SLC22A23: variants seen among roughly 807,000 people sequenced by gnomAD.
SLC22A23 encodes solute carrier family 22 member 23.
SLC22A23 carries 26 observed loss-of-function variants against 61.0 expected under a neutral mutation model. That is an observed-to-expected ratio of 0.43 (90% confidence interval 0.31 to 0.59). The LOEUF (loss-of-function observed/expected upper bound fraction) is 0.59. Ranked by LOEUF, SLC22A23 falls within the 20% of genes least tolerant of loss-of-function variation. The probability of loss-of-function intolerance (pLI) is 0.11; values close to 1 mark genes in which losing one functional copy is unlikely to be tolerated. For synonymous variants in SLC22A23, 430 were observed against 413.9 expected (o/e 1.04, Z -0.47); for missense variants, 796 against 934.7 (o/e 0.85, Z 1.94).
intron 3 of SLC22A23, among the ~76,000 whole-genome samples, chr6:3,352,080 G>A (rs891697440): frequency 2.0e-5 from 3 of 149,438 alleles, no homozygotes; most frequent in African/African-American, 7.6e-5. Context: ...CAGGGCTGCT[G>A]GAGTGCTGAG....
At chr6:3,336,836 A>G (rs1156859433) in intron 3 of SLC22A23, among the ~76,000 whole-genome samples, 3 of 117,438 alleles carry the variant, frequency 2.6e-5, no homozygotes, top group Non-Finnish European at 3.4e-5. Flanking sequence ...TCCCTCTTTT[A>G]CCTAGGCTGG....
chr6:3,426,067 A>G (rs1388578875), intron 1 of SLC22A23, among the ~76,000 whole-genome samples: 2 of 152,246 alleles, frequency 1.3e-5, no homozygotes, highest in Non-Finnish European at 2.9e-5. Context: ...AACAAATAAT[A>G]ATTTGTCAGG....
chr6:3,456,467 G>A lies in SLC22A23; in HGVS notation c.93C>T (p.Asp31=), dbSNP rs912264739. Residue 31 remains aspartate (D), a synonymous_variant, in exon 1 of 10, where the codon GAC becomes GAT. Coordinates refer to ENST00000406686, the MANE Select transcript of SLC22A23 (RefSeq NM_015482.2). This position sits in a 1 kb window ranked among gnomAD's most constrained non-coding sequence, Gnocchi z 7.1. ...AEENGSLPPG[D]AAASAPLGGR... ...CCCCGAGGGGCGCCGAGGCCGCCGC[G>A]TCCCCGGGCGGCAGGGAGCCGTTCT... is the stretch of plus-strand genomic sequence containing the variant. The A allele has an allele frequency of 4.2e-5, 50 of 1,193,352 alleles. No individual in the cohort carries two copies. The highest frequency in any genetic ancestry group is 3.3e-4 in the Middle Eastern group (1 of 3,024). 73.9% of individuals were successfully genotyped at this position (1,193,352 alleles called of 1,614,324 possible). A position where few individuals can be genotyped will look rare whatever the true frequency, so the allele number is the denominator to read the frequency against.
chr6:3,299,998 CTTTTTTTTTTTT>C (rs869114176), intron 4 of SLC22A23, among the ~76,000 whole-genome samples: 162 of 78,800 alleles, frequency 2.1e-3, no homozygotes, highest in Non-Finnish European at 2.9e-3. Context: ...TCAGGATAGA[CTTTTTTTTTTTT>C]TTTTTTTTTT....
At chr6:3,375,790 T>C (rs1381109264) in intron 3 of SLC22A23, among the ~76,000 whole-genome samples, 1 of 152,202 alleles carries the variant, frequency 6.6e-6, no homozygotes, top group Admixed American at 6.5e-5. Flanking sequence ...CAATTTCTGG[T>C]TTAATGGAGC....
intron 3 of SLC22A23, among the ~76,000 whole-genome samples, chr6:3,359,917 TTTC>T (rs1417283426): frequency 2.0e-5 from 3 of 152,240 alleles, no homozygotes; most frequent in Non-Finnish European, 4.4e-5. Context: ...GGAAGCATTT[TTTC>T]TTTTTTTCTT....
rs1171583576 is a variant in SLC22A23 at position 3,330,736 on chromosome 6, T to A, written c.914-6734A>T. ...ACAGCTCTACATCTCCCCTTCCGCG[T>A]GGAAGGCGTCCTCTTTCCTCTTAAC... is the stretch of plus-strand genomic sequence containing the variant. On this transcript the variant is annotated intron_variant, in intron 3 of 9. Transcript: ENST00000406686. This position sits in a 1 kb window ranked among gnomAD's most constrained non-coding sequence, Gnocchi z 4.7. Among the ~76,000 whole-genome samples the A allele has an allele frequency of 6.6e-6, 1 of 152,238 alleles. No individual in the cohort carries two copies. The highest frequency in any genetic ancestry group is 6.5e-5 in the Admixed American group (1 of 15,288).
rs1408479103 is a variant in SLC22A23, at chr6:3,271,257, G to C, written c.*1798C>G. On this transcript the variant is annotated 3_prime_UTR_variant, in exon 10 of 10. Transcript: ENST00000406686. ...AGGTGAGGAGCTGGACGTGGAGCAA[G>C]TGGAGGCAGGGAGAGGCTGGCCAGA... The C allele has an allele frequency of 2.6e-5, 4 of 152,348 alleles. No individual in the cohort carries two copies. The highest frequency in any genetic ancestry group is 5.9e-5 in the Non-Finnish European group (4 of 68,046). The allele number at this position is 152,348 out of a possible 1,614,324, so 9.4% of individuals were successfully genotyped here.
chr6:3,296,952 C>A (rs930973276), intron 5 of SLC22A23, among the ~76,000 whole-genome samples: 1 of 152,206 alleles, frequency 6.6e-6, no homozygotes, highest in Non-Finnish European at 1.5e-5. Flanking sequence ...ACCTGCAGGG[C>A]ACATTCTCCC....
chr6:3,441,485 C>T (rs1771591574), intron 1 of SLC22A23, among the ~76,000 whole-genome samples: 1 of 152,104 alleles, frequency 6.6e-6, no homozygotes, highest in African/African-American at 2.4e-5. Flanking sequence ...TGCACATGTC[C>T]CTTCCCCACC....
chr6:3,401,848 C>A (rs2127499505), intron 3 of SLC22A23, among the ~76,000 whole-genome samples: 1 of 152,300 alleles, frequency 6.6e-6, no homozygotes, highest in South Asian at 2.1e-4. Context: ...TCCTGAACTT[C>A]TGAATAACAA....
chr6:3,401,122 A>G (rs1256066078), intron 3 of SLC22A23, among the ~76,000 whole-genome samples: 1 of 152,236 alleles, frequency 6.6e-6, no homozygotes, highest in Non-Finnish European at 1.5e-5. Context: ...TGGGTGGATC[A>G]CTTGAGGTAA....
intron 3 of SLC22A23, among the ~76,000 whole-genome samples, chr6:3,389,126 G>C (rs902441470): frequency 3.3e-5 from 5 of 151,650 alleles, no homozygotes; most frequent in African/African-American, 1.2e-4. Context: ...AAATTAGCTG[G>C]GTGTGGTGGA....
In SLC22A23 at chr6:3,437,736, A is replaced by G. The variant is rs1581890775; in HGVS notation, c.654+18170T>C. Among the ~76,000 whole-genome samples the G allele has an allele frequency of 2.2e-5, 3 of 137,220 alleles. No homozygotes were observed. The East Asian group carries it at 6.8e-4, about 31-fold the overall frequency. The allele number at this position is 137,220 out of a possible 152,430, so 90.0% of individuals were successfully genotyped here. A position where few individuals can be genotyped will look rare whatever the true frequency, so the allele number is the denominator to read the frequency against. ...AATAATTTTAAAAACCCACTCTGGA[A>G]CTTACTAGATTTTTTTTTTTTTTTT... is the stretch of plus-strand genomic sequence containing the variant. On this transcript the variant is annotated intron_variant, in intron 1 of 9. Transcript: ENST00000406686.
chr6:3,397,085 G>A (rs1316007945), intron 3 of SLC22A23, among the ~76,000 whole-genome samples: 1 of 152,198 alleles, frequency 6.6e-6, no homozygotes. Context: ...CCCACAGCCT[G>A]TCCGCTTTAT....
rs1296396332 is a variant in SLC22A23 at position 3,360,993 on chromosome 6, T to C, written c.914-36991A>G. Among the ~76,000 whole-genome samples, 1 of 152,184 alleles carries C rather than the reference T, an allele frequency of 6.6e-6. No homozygotes were observed. The highest frequency in any genetic ancestry group is 6.5e-5 in the Admixed American group (1 of 15,288). ...CGGGGAGCTCGAGGCAGCAGGGATG[T>C]CCAGGCCACAGAAGGTGTCCCACAT... On this transcript the variant is annotated intron_variant, in intron 3 of 9. Transcript: ENST00000406686. This position sits in a 1 kb window ranked among gnomAD's most constrained non-coding sequence, Gnocchi z 4.6.
intron 6 of SLC22A23, among the ~76,000 whole-genome samples, chr6:3,288,166 C>A (rs543018021): frequency 6.6e-6 from 1 of 152,202 alleles, no homozygotes; most frequent in Admixed American, 6.5e-5. Context: ...TGCCTCAGGG[C>A]TCTCAGGAAC....
intron 7 of SLC22A23, among the ~76,000 whole-genome samples, chr6:3,285,591 TC>T (rs1444850728): frequency 7.7e-6 from 1 of 130,218 alleles, no homozygotes; most frequent in Non-Finnish European, 1.8e-5. Flanking sequence ...CCCTGCCACT[TC>T]CGTCCCAACT....
intron 4 of SLC22A23, among the ~76,000 whole-genome samples, chr6:3,313,965 G>A (rs572864648): frequency 6.1e-4 from 93 of 152,350 alleles, no homozygotes; most frequent in African/African-American, 2.1e-3. Context: ...AGAGGTGGAG[G>A]TTGTAGTGAG....
Sources: allele counts gnomAD v4.1 joint callset (sites outside exome capture counted in the v4.1 genomes callset), GRCh38; gene constraint gnomAD v4.1.1; non-coding constraint Gnocchi (gnomAD v3.1); transcripts MANE v1.5; gene names NCBI Gene and HGNC (gene_info 2026-07-23, HGNC 2026-07-21).